The following VEZF1 variants were observed in gnomAD, a reference collection of about 807,000 sequenced individuals.
VEZF1 encodes the protein vascular endothelial zinc finger 1.
Under a neutral mutation model 44.1 loss-of-function variants are expected in VEZF1, and 5 were observed. The observed-to-expected ratio is 0.11, with a 90% CI of 0.06 to 0.24. The LOEUF (loss-of-function observed/expected upper bound fraction) is 0.24, where lower values mean the gene tolerates loss of function less well. Ranked by LOEUF, VEZF1 falls within the 10% of genes least tolerant of loss-of-function variation. The pLI is 1.00. For missense variants in VEZF1, 358 were observed against 641.8 expected, an observed-to-expected ratio of 0.56 and a Z score of 4.78; for synonymous variants, 236 against 233.1, an observed-to-expected ratio of 1.01 and a Z score of -0.11.
intron 1 of VEZF1, chr17:57,985,146 G>C (rs1437841642): frequency 4.3e-5 from 27 of 631,980 alleles, no homozygotes; most frequent in Non-Finnish European, 6.1e-5. Context: ...TAACAGATCA[G>C]ATAATAGGGA....
At chr17:57,987,376 G>A (rs1204621377) in intron 1 of VEZF1, among the ~76,000 whole-genome samples, 2 of 152,024 alleles carry the variant, frequency 1.3e-5, no homozygotes, top group East Asian at 1.9e-4. Context: ...GCCAAGGCTC[G>A]GCTGAGACTT....
In VEZF1 at chr17:57,988,191, G is replaced by A. The variant is rs574945671; in HGVS notation, c.-80C>T. Reference sequence around the variant, plus strand: ...CAGCCGGAGGAGGCGACAACAAAGCGGCGGCGGCGGCGGCGGCAACGGCAG... The same window carrying A: ...CAGCCGGAGGAGGCGACAACAAAGCAGCGGCGGCGGCGGCGGCAACGGCAG... On this transcript the variant is annotated 5_prime_UTR_variant, in exon 1 of 6. Transcript: ENST00000581208. 1.1e-5 allele frequency: 3 copies of A among 282,232 alleles called. No individual in the cohort carries two copies. The highest frequency in any genetic ancestry group is 1.2e-4 in the South Asian group (1 of 8,096). The allele number at this position is 282,232 out of a possible 1,614,324, so 17.5% of individuals were successfully genotyped here. A position where few individuals can be genotyped will look rare whatever the true frequency, so the allele number is the denominator to read the frequency against.
chr17:57,979,767 C>G (rs2075229213), intron 4 of VEZF1, among the ~76,000 whole-genome samples: 1 of 151,926 alleles, frequency 6.6e-6, no homozygotes, highest in Non-Finnish European at 1.5e-5. Flanking sequence ...CGAGACCAGC[C>G]TGGGCAACAC....
intron 5 of VEZF1, among the ~76,000 whole-genome samples, chr17:57,977,718 C>T (rs994837913): frequency 6.6e-6 from 1 of 151,896 alleles, no homozygotes; most frequent in Admixed American, 6.6e-5. Context: ...GTGGCACATG[C>T]CTGTAATCCC....
chr17:57,979,614 A>T (rs553719294), intron 4 of VEZF1, among the ~76,000 whole-genome samples: 202 of 152,132 alleles, frequency 1.3e-3, no homozygotes, highest in African/African-American at 4.8e-3. Flanking sequence ...ATATAGGACT[A>T]ATCAACATTC....
intron 1 of VEZF1, among the ~76,000 whole-genome samples, chr17:57,984,239 C>G (rs547578976): frequency 2.0e-5 from 3 of 152,132 alleles, no homozygotes; most frequent in Non-Finnish European, 4.4e-5. Flanking sequence ...GACATTTGCT[C>G]TTATGATGTG....
chr17:57,983,537 T>TA (rs2075270393), intron 1 of VEZF1, 144 bp from the exon 2 acceptor site: 1 of 711,656 alleles, frequency 1.4e-6, no homozygotes, highest in Admixed American at 3.0e-5. Flanking sequence ...ACCACCTAGT[T>TA]ACTCTAAGAG....
In VEZF1 at chr17:57,973,463, T is replaced by C. The variant is rs1323526817; in HGVS notation, c.*1010A>G. 6.6e-6 allele frequency: 1 copy of C among 152,600 alleles called. No homozygotes were observed. Among genetic ancestry groups the C allele is most frequent in the Non-Finnish European group, 1.5e-5 (1 of 68,038 alleles). The allele number at this position is 152,600 out of a possible 1,614,324, so 9.5% of individuals were successfully genotyped here. On this transcript the variant is annotated 3_prime_UTR_variant, in exon 6 of 6. Coordinates refer to ENST00000581208, the MANE Select transcript of VEZF1 (RefSeq NM_007146.3). ...GGTTAGAATAAAAACTGTATACAAT[T>C]TAATATAAGACATAAACTCTAGTGA... is the stretch of plus-strand genomic sequence containing the variant.
Position 57,983,022 on chromosome 17 carries a change from G to T in VEZF1, c.405C>A (p.Ile135=). 1 of 1,614,196 alleles carries T rather than the reference G, an allele frequency of 6.2e-7. No homozygotes were observed. Among genetic ancestry groups the T allele is most frequent in the Non-Finnish European group, 8.5e-7 (1 of 1,180,034 alleles). Residue 135 remains isoleucine (I), a synonymous_variant, in exon 2 of 6, where the codon ATC becomes ATA. Coordinates refer to ENST00000581208, the MANE Select transcript of VEZF1 (RefSeq NM_007146.3). ...RTSLVSTIAG[I]LSTVTTSSSG... ...AGGAAGATGTAGTGACTGTTGACAA[G>T]ATGCCTGCAATGGTCGAGACCAACG...
chr17:57,986,675 A>G (rs909158614), intron 1 of VEZF1, among the ~76,000 whole-genome samples: 4 of 152,208 alleles, frequency 2.6e-5, no homozygotes, highest in African/African-American at 9.7e-5. Flanking sequence ...TTGAAAAAAT[A>G]TGTCTTAAAA....
chr17:57,979,011 G>A, intron 5 of VEZF1, 141 bp downstream of exon 5: 1 of 1,167,690 alleles, frequency 8.6e-7, no homozygotes, highest in Non-Finnish European at 1.2e-6. Flanking sequence ...TACTTTACCA[G>A]ATATTTCCCA....
At chr17:57,977,550 G>T (rs1236913352) in intron 5 of VEZF1, among the ~76,000 whole-genome samples, 1 of 152,132 alleles carries the variant, frequency 6.6e-6, no homozygotes, top group Non-Finnish European at 1.5e-5. Flanking sequence ...GTAAATGTAT[G>T]AAAAAGAATG....
intron 5 of VEZF1, among the ~76,000 whole-genome samples, chr17:57,976,593 T>C (rs1198987634): frequency 1.3e-5 from 2 of 152,202 alleles, no homozygotes; most frequent in African/African-American, 4.8e-5. Context: ...ACGTTATAGA[T>C]TCAAGCTTAG....
chr17:57,986,108 A>G (rs1159768060), intron 1 of VEZF1: 6 of 152,224 alleles, frequency 3.9e-5, no homozygotes, highest in Admixed American at 3.9e-4. Context: ...ATTTGTTTTC[A>G]CACTTCTCCA....
intron 5 of VEZF1, among the ~76,000 whole-genome samples, chr17:57,975,134 C>T (rs2075177494): frequency 6.6e-6 from 1 of 152,200 alleles, no homozygotes; most frequent in African/African-American, 2.4e-5. Flanking sequence ...ACTTAAGCAA[C>T]TTGTTTAGCC....
Position 57,983,336 on chromosome 17 carries a change from G to A in VEZF1, c.91C>T (p.Leu31=). The change falls in exon 2 of 6, where the codon CTG becomes TTG. Residue 31 remains leucine, a synonymous_variant. Transcript: ENST00000581208. ...QAAQNSLLPL[L]SSAVEPPDQK... Reference sequence around the variant, plus strand: ...TCAGGGGGCTCCACGGCAGAGCTCAGGAGGGGCAGCAAGCTGTTCTGTGCT... The same window carrying A: ...TCAGGGGGCTCCACGGCAGAGCTCAAGAGGGGCAGCAAGCTGTTCTGTGCT... The A allele has an allele frequency of 6.2e-7, 1 of 1,614,106 alleles. No individual in the cohort carries two copies. Among genetic ancestry groups the A allele is most frequent in the South Asian group, 1.1e-5 (1 of 91,086 alleles).
chr17:57,986,122 G>C (rs939042276), intron 1 of VEZF1: 3 of 151,708 alleles, frequency 2.0e-5, no homozygotes, highest in African/African-American at 7.3e-5. Flanking sequence ...TTCTCCATCA[G>C]GTGGAAAAAA....
rs1018465611 is a variant in VEZF1, at chr17:57,974,288, A to C, written c.*185T>G. On this transcript the variant is annotated 3_prime_UTR_variant, in exon 6 of 6. Transcript: ENST00000581208. ...CTGATTAAACTAAAGTGGTCCAGTG[A>C]TAAGTTACATACACACCCTACTTTG... is the stretch of plus-strand genomic sequence containing the variant. The C allele has an allele frequency of 7.5e-6, 5 of 670,410 alleles. No individual in the cohort carries two copies. The East Asian group carries it at 1.1e-4, about 15-fold the overall frequency. 41.5% of individuals were successfully genotyped at this position (670,410 alleles called of 1,614,324 possible). A position where few individuals can be genotyped will look rare whatever the true frequency, so the allele number is the denominator to read the frequency against.
intron 2 of VEZF1, 66 bp downstream of exon 2, chr17:57,982,633 T>C (rs760487499): frequency 1.9e-5 from 28 of 1,464,130 alleles, no homozygotes; most frequent in Middle Eastern, 1.8e-4. Context: ...CTAGATCACA[T>C]GGAGACAAAA....
Sources: gnomAD v4.1 joint callset for allele counts (sites outside exome capture counted in the v4.1 genomes callset) on GRCh38, gnomAD v4.1.1 for gene constraint, MANE v1.5 for transcripts, NCBI Gene and HGNC (gene_info 2026-07-23, HGNC 2026-07-21) for gene names.